The following INAFM2 variants were observed in gnomAD, a reference collection of about 807,000 sequenced individuals.
The protein encoded by INAFM2 is InaF motif containing 2.
In INAFM2, 3 loss-of-function variants were observed where a neutral mutation model predicts 5.6. The ratio of observed to expected loss-of-function variants is 0.54; its 90% confidence interval spans 0.24 to 1.39. The LOEUF is 1.39. Among genes scored for constraint, INAFM2 ranks in the 40% most tolerant of loss-of-function variants. INAFM2 has a pLI of 0.16. For missense variants in INAFM2, 186 were observed against 217.5 expected (o/e 0.86, Z 0.91); for synonymous variants, 113 against 109.1 (o/e 1.04, Z -0.22).
In INAFM2 at chr15:40,324,713, G is replaced by C. The variant is rs996367697; in HGVS notation, c.*196G>C. On this transcript the variant is annotated 3_prime_UTR_variant, in exon 1 of 1. Transcript: ENST00000638170. ...TCAGCCAAGGGACCACGATTCGCCG[G>C]GGGGCTGGGGGTTTGCTGCCCAGGA... The C allele has an allele frequency of 1.3e-5, 5 of 392,140 alleles. No homozygotes were observed. The highest frequency in any genetic ancestry group is 1.4e-4 in the South Asian group (1 of 7,222). The allele number at this position is 392,140 out of a possible 1,614,324, so 24.3% of individuals were successfully genotyped here.
Position 40,324,271 on chromosome 15 carries a change from C to T in INAFM2, c.216C>T (p.Ala72=). ...QPVGAGTSGG[A]AGPPPGGSNA... Reference sequence around the variant, plus strand: ...TGGGCGCCGGGACCTCGGGGGGAGCCGCTGGCCCGCCCCCCGGCGGCTCCA... The same window carrying T: ...TGGGCGCCGGGACCTCGGGGGGAGCTGCTGGCCCGCCCCCCGGCGGCTCCA... Residue 72 remains alanine (A), a synonymous_variant, in exon 1 of 1, where the codon GCC becomes GCT. Coordinates refer to ENST00000638170, the MANE Select transcript of INAFM2 (RefSeq NM_001301268.2). 4 of 1,228,986 alleles carry T rather than the reference C, an allele frequency of 3.3e-6. No homozygotes were observed. Among genetic ancestry groups the T allele is most frequent in the Non-Finnish European group, 4.1e-6 (4 of 986,362 alleles). 76.1% of individuals were successfully genotyped at this position (1,228,986 alleles called of 1,614,324 possible).
In INAFM2 at chr15:40,324,758, T is replaced by G; in HGVS notation, c.*241T>G. 2 of 315,170 alleles carry G rather than the reference T, an allele frequency of 6.3e-6. No homozygotes were observed. Among genetic ancestry groups the G allele is most frequent in the East Asian group, 4.9e-5 (1 of 20,562 alleles). 19.5% of individuals were successfully genotyped at this position (315,170 alleles called of 1,614,324 possible). On this transcript the variant is annotated 3_prime_UTR_variant, in exon 1 of 1. Coordinates refer to ENST00000638170, the MANE Select transcript of INAFM2 (RefSeq NM_001301268.2). ...CCAGGACCGTGCTGCACCAGGGCCC[T>G]GAGCCGTAGGGGGATGGGGGGAGGG... is the stretch of plus-strand genomic sequence containing the variant.
In INAFM2 at chr15:40,324,419, G is replaced by A. The variant is rs966661208; in HGVS notation, c.364G>A (p.Glu122Lys). 41 of 1,224,656 alleles carry A rather than the reference G, an allele frequency of 3.3e-5. No individual in the cohort carries two copies. In the African/African-American group the frequency reaches 6.4e-4, roughly 19 times the overall value. 75.9% of individuals were successfully genotyped at this position (1,224,656 alleles called of 1,614,324 possible). The change falls in exon 1 of 1, where the codon GAG (glutamate) becomes AAG (lysine). Residue 122 changes from glutamate to lysine, a missense_variant. Coordinates refer to ENST00000638170, the MANE Select transcript of INAFM2 (RefSeq NM_001301268.2). ...PLQAARPAPPEPPADSPPAGP... is the reference protein window; with the variant it reads ...PLQAARPAPPKPPADSPPAGP... ...GCAGGCGGCGCGACCGGCGCCTCCGGAGCCCCCTGCGGACAGCCCCCCGGC... is the reference window on the plus strand; with the variant it reads ...GCAGGCGGCGCGACCGGCGCCTCCGAAGCCCCCTGCGGACAGCCCCCCGGC...
In INAFM2 at chr15:40,324,261, CG is replaced by C; in HGVS notation, c.212del (p.Gly71GlufsTer167). 1 of 1,228,908 alleles carries C rather than the reference CG, an allele frequency of 8.1e-7. No individual in the cohort carries two copies. Among genetic ancestry groups the C allele is most frequent in the Non-Finnish European group, 1.0e-6 (1 of 986,412 alleles). The allele number at this position is 1,228,908 out of a possible 1,614,324, so 76.1% of individuals were successfully genotyped here. On this transcript the variant is annotated frameshift_variant, in exon 1 of 1. Transcript: ENST00000638170. LOFTEE classifies it high-confidence loss of function. The part of the protein sequence containing the change: ...LIWQPVGAGT[S>X]GGAAGPPPGG... The stretch of plus-strand genomic sequence containing the variant: ...TGGCAGCCGGTGGGCGCCGGGACCT[CG>C]GGGGGAGCCGCTGGCCCGCCCCCCG...
chr15:40,324,391 A>C lies in INAFM2; in HGVS notation c.336A>C (p.Pro112=). 1 of 1,221,398 alleles carries C rather than the reference A, an allele frequency of 8.2e-7. No individual in the cohort carries two copies. Among genetic ancestry groups the C allele is most frequent in the Non-Finnish European group, 1.0e-6 (1 of 981,428 alleles). The allele number at this position is 1,221,398 out of a possible 1,614,324, so 75.7% of individuals were successfully genotyped here. A position where few individuals can be genotyped will look rare whatever the true frequency, so the allele number is the denominator to read the frequency against. The change falls in exon 1 of 1, where the codon CCA becomes CCC. Residue 112 remains proline, a synonymous_variant. Transcript: ENST00000638170. ...GCGAGGCGCCGCGCGACGTTCCCCC[A>C]CTGCAGGCGGCGCGACCGGCGCCTC... The part of the protein sequence containing the change: ...SRREAPRDVP[P]LQAARPAPPE...
In INAFM2 at chr15:40,324,018, GGGCCGTGGAGCACCGGGGCAAA is replaced by G; in HGVS notation, c.-32_-11del. The stretch of plus-strand genomic sequence containing the variant: ...CAGGCCGCCAGGCCCCCTCCAGCCG[GGGCCGTGGAGCACCGGGGCAAA>G]GGCCGGGGCCCCCCCATGAAGGAGC... On this transcript the variant is annotated 5_prime_UTR_variant, in exon 1 of 1. Coordinates refer to ENST00000638170, the MANE Select transcript of INAFM2 (RefSeq NM_001301268.2). 1 of 1,197,594 alleles carries G rather than the reference GGGCCGTGGAGCACCGGGGCAAA, an allele frequency of 8.4e-7. No homozygotes were observed. The highest frequency in any genetic ancestry group is 1.0e-6 in the Non-Finnish European group (1 of 958,878). 74.2% of individuals were successfully genotyped at this position (1,197,594 alleles called of 1,614,324 possible).
rs1036984628 is a variant in INAFM2, at chr15:40,325,577, C to G, written c.*1060C>G. ...TCCGGCAATCACTTTTGCCTTCCCT[C>G]TTTCCTGAGCCTGTAGTGACAAAGC... On this transcript the variant is annotated 3_prime_UTR_variant, in exon 1 of 1. Transcript: ENST00000638170. 1 of 152,064 alleles carries G rather than the reference C, an allele frequency of 6.6e-6. No homozygotes were observed. Among genetic ancestry groups the G allele is most frequent in the Non-Finnish European group, 1.5e-5 (1 of 68,018 alleles). 9.4% of individuals were successfully genotyped at this position (152,064 alleles called of 1,614,324 possible).
chr15:40,326,343 G>T lies in INAFM2; in HGVS notation c.*1826G>T, dbSNP rs1300624707. On this transcript the variant is annotated 3_prime_UTR_variant, in exon 1 of 1. Coordinates refer to ENST00000638170, the MANE Select transcript of INAFM2 (RefSeq NM_001301268.2). ...AGCCTGTAATTTATATTTACTGTGT[G>T]AATTTTTAGTCCTATATTTTAATAA... The T allele has an allele frequency of 1.3e-5, 2 of 152,228 alleles. No individual in the cohort carries two copies. The highest frequency in any genetic ancestry group is 2.9e-5 in the Non-Finnish European group (2 of 68,040). The allele number at this position is 152,228 out of a possible 1,614,324, so 9.4% of individuals were successfully genotyped here.
chr15:40,324,244 G>A lies in INAFM2; in HGVS notation c.189G>A (p.Pro63=), dbSNP rs990160986. Residue 63 remains proline (P), a synonymous_variant, in exon 1 of 1, where the codon CCG becomes CCA. Coordinates refer to ENST00000638170, the MANE Select transcript of INAFM2 (RefSeq NM_001301268.2). ...LAVYYSLIWQ[P]VGAGTSGGAA... Reference sequence around the variant, plus strand: ...TCTACTACAGCCTCATCTGGCAGCCGGTGGGCGCCGGGACCTCGGGGGGAG... The same window carrying A: ...TCTACTACAGCCTCATCTGGCAGCCAGTGGGCGCCGGGACCTCGGGGGGAG... 49 of 1,229,536 alleles carry A rather than the reference G, an allele frequency of 4.0e-5. No individual in the cohort carries two copies. In the Middle Eastern group the frequency reaches 1.9e-3, roughly 47 times the overall value. 76.2% of individuals were successfully genotyped at this position (1,229,536 alleles called of 1,614,324 possible). A position where few individuals can be genotyped will look rare whatever the true frequency, so the allele number is the denominator to read the frequency against.
At position 40,323,779 on chromosome 15, in the gene INAFM2, T is replaced by TGC. The variant is rs1888734766; in HGVS notation, c.-276_-275insCG. ...GGATGGGGACGCGGAGCCGGGCGGCTGTGGCGGCTGTGGCGGCTGTGGCTG... is the reference window on the plus strand; with the variant it reads ...GGATGGGGACGCGGAGCCGGGCGGCTGCGTGGCGGCTGTGGCGGCTGTGGCTG... On this transcript the variant is annotated 5_prime_UTR_variant, in exon 1 of 1. It introduces an in-frame stop codon into an upstream open reading frame of the 5' UTR. Transcript: ENST00000638170. The surrounding 1 kb of genome is among the most constrained non-coding windows in gnomAD (Gnocchi z 5.6). The TGC allele has an allele frequency of 1.4e-5, 2 of 144,798 alleles. No homozygotes were observed. Among genetic ancestry groups the TGC allele is most frequent in the African/African-American group, 5.1e-5 (2 of 38,934 alleles). The allele number at this position is 144,798 out of a possible 1,614,324, so 9.0% of individuals were successfully genotyped here.
Position 40,324,560 on chromosome 15 carries a change from C to G in INAFM2, c.*43C>G, listed in dbSNP as rs901539011. On this transcript the variant is annotated 3_prime_UTR_variant, in exon 1 of 1. Transcript: ENST00000638170. ...GCCGCCGGGAACCATTCTCCCCAAG[C>G]CCAGAGGCAGGACTTCGCAGCAGGA... 2.0e-4 allele frequency: 243 copies of G among 1,203,354 alleles called. No homozygotes were observed. The highest frequency in any genetic ancestry group is 1.4e-3 in the East Asian group (43 of 31,094). The allele number at this position is 1,203,354 out of a possible 1,614,324, so 74.5% of individuals were successfully genotyped here. A position where few individuals can be genotyped will look rare whatever the true frequency, so the allele number is the denominator to read the frequency against.
chr15:40,324,925 A>T lies in INAFM2; in HGVS notation c.*408A>T, dbSNP rs74347630. 7.1e-4 allele frequency: 114 copies of T among 160,160 alleles called. No individual in the cohort carries two copies. The East Asian group carries it at 0.016, about 23-fold the overall frequency. The allele number at this position is 160,160 out of a possible 1,614,324, so 9.9% of individuals were successfully genotyped here. On this transcript the variant is annotated 3_prime_UTR_variant, in exon 1 of 1. Coordinates refer to ENST00000638170, the MANE Select transcript of INAFM2 (RefSeq NM_001301268.2). ...TTTTTAAGTAAGCTGAAGCTCTCGA[A>T]AGGAGGAGGGCACCAAAAGTAGTGG...
In INAFM2 at chr15:40,324,631, C is replaced by T. The variant is rs1044355480; in HGVS notation, c.*114C>T. 8.4e-6 allele frequency: 6 copies of T among 710,902 alleles called. No homozygotes were observed. The highest frequency in any genetic ancestry group is 3.7e-5 in the African/African-American group (2 of 54,008). The allele number at this position is 710,902 out of a possible 1,614,324, so 44.0% of individuals were successfully genotyped here. A position where few individuals can be genotyped will look rare whatever the true frequency, so the allele number is the denominator to read the frequency against. On this transcript the variant is annotated 3_prime_UTR_variant, in exon 1 of 1. Coordinates refer to ENST00000638170, the MANE Select transcript of INAFM2 (RefSeq NM_001301268.2). ...AGTGACCCCCACGAGAGTGAACGCC[C>T]CTCACACTCCCACCATCGCCGGCTG...
rs532906017 is a variant in INAFM2 at position 40,323,787 on chromosome 15, C to T, written c.-269C>T. On this transcript the variant is annotated 5_prime_UTR_variant, in exon 1 of 1. Transcript: ENST00000638170. The surrounding 1 kb of genome is among the most constrained non-coding windows in gnomAD (Gnocchi z 5.6). ...ACGCGGAGCCGGGCGGCTGTGGCGGCTGTGGCGGCTGTGGCTGTGGCGGCG... is the reference window on the plus strand; with the variant it reads ...ACGCGGAGCCGGGCGGCTGTGGCGGTTGTGGCGGCTGTGGCTGTGGCGGCG... 107 of 148,470 alleles carry T rather than the reference C, an allele frequency of 7.2e-4. No individual in the cohort carries two copies. The highest frequency in any genetic ancestry group is 1.2e-3 in the Non-Finnish European group (81 of 66,972). 9.2% of individuals were successfully genotyped at this position (148,470 alleles called of 1,614,324 possible). A position where few individuals can be genotyped will look rare whatever the true frequency, so the allele number is the denominator to read the frequency against.
rs1852450745 is a variant in INAFM2, at chr15:40,324,888, C to G, written c.*371C>G. On this transcript the variant is annotated 3_prime_UTR_variant, in exon 1 of 1. Transcript: ENST00000638170. ...CCCAAGACTCAGGGGAAGGATGGAGCTGTAGGGGCTCTTTTTAAGTAAGCT... is the reference window on the plus strand; with the variant it reads ...CCCAAGACTCAGGGGAAGGATGGAGGTGTAGGGGCTCTTTTTAAGTAAGCT... 1 of 179,918 alleles carries G rather than the reference C, an allele frequency of 5.6e-6. No individual in the cohort carries two copies. Among genetic ancestry groups the G allele is most frequent in the Admixed American group, 6.2e-5 (1 of 16,022 alleles). The allele number at this position is 179,918 out of a possible 1,614,324, so 11.1% of individuals were successfully genotyped here. A position where few individuals can be genotyped will look rare whatever the true frequency, so the allele number is the denominator to read the frequency against.
Position 40,323,906 on chromosome 15 carries a change from G to A in INAFM2, c.-150G>A. The A allele has an allele frequency of 4.2e-6, 1 of 238,028 alleles. No individual in the cohort carries two copies. The highest frequency in any genetic ancestry group is 7.4e-6 in the Non-Finnish European group (1 of 135,244). The allele number at this position is 238,028 out of a possible 1,614,324, so 14.7% of individuals were successfully genotyped here. A position where few individuals can be genotyped will look rare whatever the true frequency, so the allele number is the denominator to read the frequency against. ...GGCGGCTGCAGCAACGCGGTGGCGG[G>A]CTGCGGGCGGGCGGCGTGAGGAGCG... is the stretch of plus-strand genomic sequence containing the variant. On this transcript the variant is annotated 5_prime_UTR_variant, in exon 1 of 1. Coordinates refer to ENST00000638170, the MANE Select transcript of INAFM2 (RefSeq NM_001301268.2). This position sits in a 1 kb window ranked among gnomAD's most constrained non-coding sequence, Gnocchi z 5.6.
At position 40,324,923 on chromosome 15, in the gene INAFM2, G is replaced by C. The variant is rs11540714; in HGVS notation, c.*406G>C. The C allele has an allele frequency of 0.088, 14,202 of 161,868 alleles. 850 individuals carry two copies. The highest frequency in any genetic ancestry group is 0.13 in the Non-Finnish European group (9,675 of 74,748). The allele number at this position is 161,868 out of a possible 1,614,324, so 10.0% of individuals were successfully genotyped here. A position where few individuals can be genotyped will look rare whatever the true frequency, so the allele number is the denominator to read the frequency against. On this transcript the variant is annotated 3_prime_UTR_variant, in exon 1 of 1. Coordinates refer to ENST00000638170, the MANE Select transcript of INAFM2 (RefSeq NM_001301268.2). ...TCTTTTTAAGTAAGCTGAAGCTCTC[G>C]AAAGGAGGAGGGCACCAAAAGTAGT...
At position 40,323,992 on chromosome 15, in the gene INAFM2, G is replaced by A; in HGVS notation, c.-64G>A. On this transcript the variant is annotated 5_prime_UTR_variant, in exon 1 of 1. Coordinates refer to ENST00000638170, the MANE Select transcript of INAFM2 (RefSeq NM_001301268.2). This position sits in a 1 kb window ranked among gnomAD's most constrained non-coding sequence, Gnocchi z 5.6. ...CCGGGCCGCCCCCTGCCCAGTCCTT[G>A]CAGGCCGCCAGGCCCCCTCCAGCCG... 9.5e-7 allele frequency: 1 copy of A among 1,053,030 alleles called. No homozygotes were observed. The highest frequency in any genetic ancestry group is 1.2e-6 in the Non-Finnish European group (1 of 829,798). The allele number at this position is 1,053,030 out of a possible 1,614,324, so 65.2% of individuals were successfully genotyped here. A position where few individuals can be genotyped will look rare whatever the true frequency, so the allele number is the denominator to read the frequency against.
chr15:40,325,193 C>CCCCTCCTGTTT lies in INAFM2; in HGVS notation c.*678_*688dup, dbSNP rs1888769849. On this transcript the variant is annotated 3_prime_UTR_variant, in exon 1 of 1. Transcript: ENST00000638170. ...CTTAAATCACTCACTTTCTCCTGTT[C>CCCCTCCTGTTT]CCCTCCTGTTTCTGAAATATAAGTT... is the stretch of plus-strand genomic sequence containing the variant. 6.6e-6 allele frequency: 1 copy of CCCCTCCTGTTT among 152,218 alleles called. No homozygotes were observed. Among genetic ancestry groups the CCCCTCCTGTTT allele is most frequent in the Non-Finnish European group, 1.5e-5 (1 of 68,050 alleles). The allele number at this position is 152,218 out of a possible 1,614,324, so 9.4% of individuals were successfully genotyped here. A position where few individuals can be genotyped will look rare whatever the true frequency, so the allele number is the denominator to read the frequency against.
Sources: allele counts gnomAD v4.1 joint callset, GRCh38; gene constraint gnomAD v4.1.1; non-coding constraint Gnocchi (gnomAD v3.1); transcripts MANE v1.5; gene names NCBI Gene and HGNC (gene_info 2026-07-23, HGNC 2026-07-21).